Variants in CAPN13 observed in about 807,000 individuals in gnomAD.
CAPN13 encodes calpain-13.
A neutral mutation model predicts 98.4 loss-of-function variants in CAPN13; 90 were observed. That is an observed-to-expected ratio of 0.92 (90% CI 0.77 to 1.09). The LOEUF (loss-of-function observed/expected upper bound fraction) is 1.09, where lower values mean the gene tolerates loss of function less well. Ranked by LOEUF, CAPN13 falls within the 50% of genes least tolerant of loss-of-function variation. The pLI is 0.00. For synonymous variants in CAPN13, 330 were observed against 305.5 expected (o/e 1.08, Z -0.84); for missense variants, 887 against 841.3 (o/e 1.05, Z -0.67).
At chr2:30,729,703 T>C (rs1670992705) in intron 22 of CAPN13, 1 of 152,246 alleles carries the variant, frequency 6.6e-6, no homozygotes, top group Non-Finnish European at 1.5e-5. Context: ...TCAGGAAATA[T>C]TTATGCTACA....
intron 4 of CAPN13, among the ~76,000 whole-genome samples, chr2:30,773,733 C>A (rs139813898): frequency 6.6e-6 from 1 of 152,170 alleles, no homozygotes; most frequent in African/African-American, 2.4e-5. Flanking sequence ...AAGAAGAATT[C>A]TCCAAACAAT....
At chr2:30,756,322 C>A (rs756394750) in intron 8 of CAPN13, among the ~76,000 whole-genome samples, 1 of 152,068 alleles carries the variant, frequency 6.6e-6, no homozygotes, top group African/African-American at 2.4e-5. Context: ...ATAGCCTATG[C>A]GTCCCCCTCC....
At chr2:30,758,341 T>TGGCC (rs1406261113) in intron 7 of CAPN13, among the ~76,000 whole-genome samples, 1 of 152,164 alleles carries the variant, frequency 6.6e-6, no homozygotes, top group African/African-American at 2.4e-5. Context: ...GACAAGGAAA[T>TGGCC]GGCCCCTCAT....
Position 30,737,996 on chromosome 2 carries a change from C to T in CAPN13, c.1653+239G>A, listed in dbSNP as rs1671460422. 8.9e-6 allele frequency: 5 copies of T among 561,008 alleles called. No homozygotes were observed. The South Asian group carries it at 1.0e-4, about 11-fold the overall frequency. The allele number at this position is 561,008 out of a possible 1,614,324, so 34.8% of individuals were successfully genotyped here. A position where few individuals can be genotyped will look rare whatever the true frequency, so the allele number is the denominator to read the frequency against. The stretch of plus-strand genomic sequence containing the variant: ...ACACACACACACACACACACACACA[C>T]ACACACACACCCCAGTACACTGATC... On this transcript the variant is annotated intron_variant, in intron 17 of 22. Coordinates refer to ENST00000295055, the MANE Select transcript of CAPN13 (RefSeq NM_144575.3).
intron 2 of CAPN13, among the ~76,000 whole-genome samples, chr2:30,781,008 G>A (rs934429292): frequency 2.0e-5 from 3 of 152,202 alleles, no homozygotes; most frequent in Non-Finnish European, 4.4e-5. Context: ...GCCAGCAATG[G>A]GCAGTCTCCA....
chr2:30,784,598 G>A (rs1018730610), intron 2 of CAPN13, among the ~76,000 whole-genome samples: 1 of 152,158 alleles, frequency 6.6e-6, no homozygotes, highest in South Asian at 2.1e-4. Flanking sequence ...TTCTACTAGT[G>A]CAAAAAACAT....
At chr2:30,739,949 T>A (rs764549979) in intron 15 of CAPN13, among the ~76,000 whole-genome samples, 1 of 152,208 alleles carries the variant, frequency 6.6e-6, no homozygotes, top group African/African-American at 2.4e-5. Context: ...GCTGGCTACT[T>A]GGTGGATAGA....
At chr2:30,776,176 G>A in intron 3 of CAPN13, 131 bp from the exon 4 acceptor site, 4 of 572,666 alleles carry the variant, frequency 7.0e-6, no homozygotes, top group Non-Finnish European at 9.1e-6. Flanking sequence ...TCCTCTGAGA[G>A]AGGAGAACCG....
intron 3 of CAPN13, 142 bp from the exon 4 acceptor site, chr2:30,776,187 G>T (rs180702649): frequency 5.4e-6 from 3 of 558,768 alleles, no homozygotes; most frequent in Admixed American, 6.5e-5. Flanking sequence ...AGGAGAACCG[G>T]GGGAGGGAGT....
intron 7 of CAPN13, among the ~76,000 whole-genome samples, chr2:30,760,584 C>T (rs532010332): frequency 1.3e-5 from 2 of 152,322 alleles, no homozygotes; most frequent in Non-Finnish European, 2.9e-5. Context: ...ATTTATCTTC[C>T]TGTCTGTGTC....
intron 5 of CAPN13, 98 bp downstream of exon 5, chr2:30,770,215 G>A: frequency 6.7e-7 from 1 of 1,496,956 alleles, no homozygotes; most frequent in Non-Finnish European, 9.0e-7. Flanking sequence ...CCAGCCAGGT[G>A]GCAAAGGCTG....
At chr2:30,742,003 G>C (rs1671687346) in intron 14 of CAPN13, 39 bp from the exon 15 acceptor site, 6 of 1,585,250 alleles carry the variant, frequency 3.8e-6, no homozygotes, top group Non-Finnish European at 5.2e-6. Context: ...AGACTTCTGG[G>C]GAAGGAGGCC....
At chr2:30,745,261 G>A in intron 12 of CAPN13, 1 of 473,504 alleles carries the variant, frequency 2.1e-6, no homozygotes, top group Middle Eastern at 3.2e-4. Context: ...TGAGCCAGAT[G>A]ATCTGTTTAG....
At chr2:30,795,116 C>T (rs1299942554) in intron 1 of CAPN13, among the ~76,000 whole-genome samples, 3 of 151,878 alleles carry the variant, frequency 2.0e-5, no homozygotes, top group East Asian at 1.9e-4. Context: ...TAAAAAGTAG[C>T]GGGATTTCAT....
chr2:30,741,776 G>T, intron 15 of CAPN13, 132 bp downstream of exon 15: 1 of 1,524,308 alleles, frequency 6.6e-7, no homozygotes, highest in South Asian at 1.2e-5. Context: ...GATCCAGGAA[G>T]AGAGGCAGGT....
chr2:30,760,723 G>A (rs568128104), intron 7 of CAPN13, among the ~76,000 whole-genome samples: 16 of 152,208 alleles, frequency 1.1e-4, no homozygotes, highest in African/African-American at 3.4e-4. Flanking sequence ...AGTCAAGTTC[G>A]TGAGCCCTTG....
chr2:30,738,274 G>T lies in CAPN13; in HGVS notation c.1614C>A (p.Phe538Leu), dbSNP rs755521219. 3.7e-6 allele frequency: 6 copies of T among 1,613,970 alleles called. No homozygotes were observed. The East Asian group carries it at 1.1e-4, about 30-fold the overall frequency. ...ELLTGPPGDM[F>L]SLDECRSLVA... is the part of the protein sequence containing the mutation. Reference sequence around the variant, plus strand: ...CCAAGCTGCGGCACTCATCTAAGGAGAACATGTCCCCTGGAGGTCCTGAGG... The same window carrying T: ...CCAAGCTGCGGCACTCATCTAAGGATAACATGTCCCCTGGAGGTCCTGAGG... Residue 538 changes from phenylalanine (F) to leucine (L), a missense_variant, in exon 17 of 23, where the codon TTC (phenylalanine) becomes TTA (leucine). Physicochemically the swap from Phe to Leu is conservative, Grantham distance 22. Coordinates refer to ENST00000295055, the MANE Select transcript of CAPN13 (RefSeq NM_144575.3).
chr2:30,736,788 C>T (rs1241075982), intron 17 of CAPN13, among the ~76,000 whole-genome samples: 2 of 152,168 alleles, frequency 1.3e-5, no homozygotes, highest in Admixed American at 1.3e-4. Context: ...AAGAAGGAAG[C>T]CCTGAGGAAA....
At chr2:30,789,250 T>C (rs920462699) in intron 1 of CAPN13, among the ~76,000 whole-genome samples, 25 of 151,930 alleles carry the variant, frequency 1.6e-4, no homozygotes, top group African/African-American at 6.0e-4. Flanking sequence ...TAATGAAGAG[T>C]TGTGAAAATC....
Sources: gnomAD v4.1 joint callset for allele counts (sites outside exome capture counted in the v4.1 genomes callset) on GRCh38, gnomAD v4.1.1 for gene constraint, MANE v1.5 for transcripts, NCBI Gene and HGNC (gene_info 2026-07-23, HGNC 2026-07-21) for gene names.